Variants in ZNF2 observed in about 807,000 individuals in gnomAD.
ZNF2 encodes zinc finger protein 2, also known as zinc finger protein 2.2.
A neutral mutation model predicts 21.9 loss-of-function variants in ZNF2; 12 were observed. The observed-to-expected ratio is 0.55, with a 90% CI of 0.35 to 0.89. ZNF2 has a LOEUF of 0.89. Ranked by LOEUF, ZNF2 falls within the 40% of genes least tolerant of loss-of-function variation. ZNF2 has a pLI of 0.01. For missense variants in ZNF2, 462 were observed against 544.2 expected, an observed-to-expected ratio of 0.85 and a Z score of 1.50; for synonymous variants, 186 against 196.3, an observed-to-expected ratio of 0.95 and a Z score of 0.44.
rs1358994915 is a variant in ZNF2, at chr2:95,183,995, T to C, written c.*1889T>C. 1 of 152,162 alleles carries C rather than the reference T, an allele frequency of 6.6e-6. No individual in the cohort carries two copies. The highest frequency in any genetic ancestry group is 1.5e-5 in the Non-Finnish European group (1 of 68,038). The allele number at this position is 152,162 out of a possible 1,614,324, so 9.4% of individuals were successfully genotyped here. ...CATCTGCATTCTCTTGATCTTTGCT[T>C]AGGGTGAAGCTCAGAAAAGGACTTG... is the stretch of plus-strand genomic sequence containing the variant. On this transcript the variant is annotated 3_prime_UTR_variant, in exon 5 of 5. Coordinates refer to ENST00000614034, the MANE Select transcript of ZNF2 (RefSeq NM_021088.4).
chr2:95,177,537 C>T lies in ZNF2; in HGVS notation c.88C>T (p.Arg30Cys), dbSNP rs553405260. ...GGTTTTCACAGATGAAGAGTGGAGT[C>T]GTCTGGTCCCCATACAGAGGGACCT... ...AVVFTDEEWS[R>C]LVPIQRDLYK... is the part of the protein sequence containing the mutation. The change falls in exon 3 of 5, where the codon CGT becomes TGT. Residue 30 changes from arginine to cysteine, a missense_variant. By Grantham distance (180) the Arg-to-Cys change is radical (BLOSUM62 -3). Coordinates refer to ENST00000614034, the MANE Select transcript of ZNF2 (RefSeq NM_021088.4). The T allele has an allele frequency of 7.9e-5, 127 of 1,614,080 alleles. 1 individual carries two copies. The Admixed American group carries it at 8.3e-4, about 11-fold the overall frequency.
chr2:95,177,414 T>C, intron 2 of ZNF2, 69 bp from the exon 3 acceptor site: 1 of 1,566,476 alleles, frequency 6.4e-7, no homozygotes, highest in Non-Finnish European at 8.7e-7. Flanking sequence ...CTGTCATCTT[T>C]GACATTTTTG....
chr2:95,177,802 G>C (rs1230973030), intron 3 of ZNF2, among the ~76,000 whole-genome samples, 193 bp downstream of exon 3: 3 of 152,176 alleles, frequency 2.0e-5, no homozygotes, highest in Non-Finnish European at 4.4e-5. Flanking sequence ...GGGCAGACAT[G>C]CCTCCCCAGC....
intron 4 of ZNF2, 140 bp downstream of exon 4, chr2:95,180,412 T>TCA: frequency 1.7e-6 from 1 of 601,186 alleles, no homozygotes; most frequent in Non-Finnish European, 2.9e-6. Context: ...CCAATAGCTT[T>TCA]TATTTTTTTC....
chr2:95,172,894 C>T (rs1463011541), intron 1 of ZNF2, among the ~76,000 whole-genome samples: 1 of 151,860 alleles, frequency 6.6e-6, no homozygotes, highest in Non-Finnish European at 1.5e-5. Flanking sequence ...GCCTCGGTCT[C>T]CCAAAGTGCT....
In ZNF2 at chr2:95,183,209, A is replaced by C. The variant is rs1275020238; in HGVS notation, c.*1103A>C. The C allele has an allele frequency of 6.6e-6, 1 of 152,192 alleles. No homozygotes were observed. The highest frequency in any genetic ancestry group is 1.5e-5 in the Non-Finnish European group (1 of 68,030). The allele number at this position is 152,192 out of a possible 1,614,324, so 9.4% of individuals were successfully genotyped here. On this transcript the variant is annotated 3_prime_UTR_variant, in exon 5 of 5. Transcript: ENST00000614034. ...AACCTGACGGGAACCATTCTGTCTT[A>C]TTCTATCCTCATTATTTGGAACATC...
Position 95,177,627 on chromosome 2 carries a change from G to T in ZNF2, c.160+18G>T. On this transcript the variant is annotated intron_variant, in intron 3 of 4. Transcript: ENST00000614034. ...GTCATTGGGTAAGGGGAGCCTCCAT[G>T]AGGAGGTACAGTCTGTACTATGCTA... 1 of 1,612,722 alleles carries T rather than the reference G, an allele frequency of 6.2e-7. No homozygotes were observed. Among genetic ancestry groups the T allele is most frequent in the South Asian group, 1.1e-5 (1 of 90,894 alleles).
At chr2:95,170,871 GT>G (rs1674245424) in intron 1 of ZNF2, among the ~76,000 whole-genome samples, 1 of 152,120 alleles carries the variant, frequency 6.6e-6, no homozygotes, top group African/African-American at 2.4e-5. Flanking sequence ...GGGGTATGTA[GT>G]TCTGTATCTA....
chr2:95,168,172 A>T (rs1002580297), intron 1 of ZNF2, among the ~76,000 whole-genome samples: 8 of 152,094 alleles, frequency 5.3e-5, no homozygotes, highest in Non-Finnish European at 1.0e-4. Flanking sequence ...CATGCCTGTA[A>T]TCCCAGCACT....
In ZNF2 at chr2:95,180,273, G is replaced by GT. The variant is rs1674595293; in HGVS notation, c.274+2dup. The GT allele has an allele frequency of 1.3e-6, 2 of 1,593,218 alleles. No homozygotes were observed. Among genetic ancestry groups the GT allele is most frequent in the Non-Finnish European group, 1.7e-6 (2 of 1,161,616 alleles). ...GAATGGCCAGAGAGTGTCTCTCTAG[G>GT]TAACTGAGTGTGAACAAGACAGAAT... On this transcript the variant is annotated splice_donor_variant, in intron 4 of 4. Coordinates refer to ENST00000614034, the MANE Select transcript of ZNF2 (RefSeq NM_021088.4). LOFTEE classifies it high-confidence loss of function.
At chr2:95,180,422 C>CGGCGA in intron 4 of ZNF2, 150 bp downstream of exon 4, 1 of 568,736 alleles carries the variant, frequency 1.8e-6, no homozygotes, top group Admixed American at 3.2e-5. Context: ...TTATTTTTTT[C>CGGCGA]CCTCTACACC....
intron 1 of ZNF2, among the ~76,000 whole-genome samples, chr2:95,174,271 G>C (rs1674371271): frequency 6.6e-6 from 1 of 152,254 alleles, no homozygotes; most frequent in East Asian, 1.9e-4. Flanking sequence ...GAGAATTGCT[G>C]GGTCAAACAG....
At position 95,182,367 on chromosome 2, in the gene ZNF2, C is replaced by G; in HGVS notation, c.*261C>G. On this transcript the variant is annotated 3_prime_UTR_variant, in exon 5 of 5. Coordinates refer to ENST00000614034, the MANE Select transcript of ZNF2 (RefSeq NM_021088.4). Reference sequence around the variant, plus strand: ...ATAGATGTTAGGAGGAGACACACCTCTTGTCTGAGAACCTAGGCCCCAGGT... The same window carrying G: ...ATAGATGTTAGGAGGAGACACACCTGTTGTCTGAGAACCTAGGCCCCAGGT... 2.6e-6 allele frequency: 1 copy of G among 379,556 alleles called. No individual in the cohort carries two copies. Among genetic ancestry groups the G allele is most frequent in the East Asian group, 4.4e-5 (1 of 22,880 alleles). 23.5% of individuals were successfully genotyped at this position (379,556 alleles called of 1,614,324 possible).
At position 95,181,983 on chromosome 2, in the gene ZNF2, G is replaced by A. The variant is rs752311758; in HGVS notation, c.1155G>A (p.Thr385=). The change falls in exon 5 of 5, where the codon ACG becomes ACA. Residue 385 remains threonine, a synonymous_variant. Coordinates refer to ENST00000614034, the MANE Select transcript of ZNF2 (RefSeq NM_021088.4). ...GKAFSQRCRL[T]RHQRVHTGEK... is the part of the protein sequence containing the mutation. ...CCTTTAGCCAGCGGTGCCGGCTCAC[G>A]CGGCATCAGCGTGTCCACACGGGAG... The A allele has an allele frequency of 2.5e-5, 40 of 1,614,160 alleles. No homozygotes were observed. The highest frequency in any genetic ancestry group is 1.6e-4 in the Middle Eastern group (1 of 6,084).
chr2:95,176,165 AC>A, intron 1 of ZNF2, 22 bp from the exon 2 acceptor site: 1 of 1,604,146 alleles, frequency 6.2e-7, no homozygotes, highest in South Asian at 1.1e-5. Context: ...CTTCTTTCTC[AC>A]CCCCCACTTC....
Position 95,181,235 on chromosome 2 carries a change from C to G in ZNF2, c.407C>G (p.Thr136Arg). The G allele has an allele frequency of 6.2e-7, 1 of 1,614,182 alleles. No homozygotes were observed. The highest frequency in any genetic ancestry group is 8.5e-7 in the Non-Finnish European group (1 of 1,180,028). Residue 136 changes from threonine (T) to arginine (R), a missense_variant, in exon 5 of 5, where the codon ACA becomes AGA. Transcript: ENST00000614034. ...EVHTPNGRMGTEKQSPSGETR... is the reference protein window; with the variant it reads ...EVHTPNGRMGREKQSPSGETR... ...CATACACCCAATGGCAGGATGGGAA[C>G]AGAAAAGCAAAGCCCTTCAGGGGAG...
At chr2:95,179,484 G>T (rs1317029420) in intron 3 of ZNF2, among the ~76,000 whole-genome samples, 2 of 152,144 alleles carry the variant, frequency 1.3e-5, no homozygotes, top group Non-Finnish European at 2.9e-5. Context: ...ACAAAAATGG[G>T]CAGTTTGGAT....
chr2:95,172,703 C>G (rs1674319876), intron 1 of ZNF2, among the ~76,000 whole-genome samples: 1 of 150,206 alleles, frequency 6.7e-6, no homozygotes, highest in African/African-American at 2.5e-5. Flanking sequence ...GTGGCGTGAG[C>G]TCAGCTCACT....
In ZNF2 at chr2:95,182,235, G is replaced by A; in HGVS notation, c.*129G>A. ...GTTGTCCTGTCCTGCTTCTGCGCCA[G>A]AGTGTTTAATAAGCACTCCCTTCCT... On this transcript the variant is annotated 3_prime_UTR_variant, in exon 5 of 5. Transcript: ENST00000614034. 1.6e-6 allele frequency: 2 copies of A among 1,219,422 alleles called. No homozygotes were observed. The highest frequency in any genetic ancestry group is 2.3e-6 in the Non-Finnish European group (2 of 886,340). 75.5% of individuals were successfully genotyped at this position (1,219,422 alleles called of 1,614,324 possible). A position where few individuals can be genotyped will look rare whatever the true frequency, so the allele number is the denominator to read the frequency against.
Sources: gnomAD v4.1 joint callset for allele counts (sites outside exome capture counted in the v4.1 genomes callset) on GRCh38, gnomAD v4.1.1 for gene constraint, MANE v1.5 for transcripts, NCBI Gene and HGNC (gene_info 2026-07-23, HGNC 2026-07-21) for gene names.